Variants in VIPR1 observed in about 807,000 individuals in gnomAD.
VIPR1 encodes the protein vasoactive intestinal polypeptide receptor 1.
In VIPR1, 59 loss-of-function variants were observed where a neutral mutation model predicts 58.8. The ratio of observed to expected loss-of-function variants is 1.00; its 90% CI spans 0.81 to 1.25. The LOEUF (loss-of-function observed/expected upper bound fraction) is 1.25, where lower values mean the gene tolerates loss of function less well. Ranked by LOEUF, VIPR1 falls within the 50% of genes most tolerant of loss-of-function variation. The pLI, the probability that VIPR1 is intolerant of heterozygous loss-of-function variation, is 0.00. For synonymous variants in VIPR1, 251 were observed against 242.1 expected (o/e 1.04, Z -0.34); for missense variants, 626 against 602.7 (o/e 1.04, Z -0.40).
Position 42,531,289 on chromosome 3 carries a change from C to T in VIPR1, c.791-182C>T, listed in dbSNP as rs149050145. The T allele has an allele frequency of 3.7e-4, 247 of 665,572 alleles. 2 individuals carry two copies. In the African/African-American group the frequency reaches 4.1e-3, roughly 11 times the overall value. 41.2% of individuals were successfully genotyped at this position (665,572 alleles called of 1,614,324 possible). Reference sequence around the variant, plus strand: ...ACACAGCCCTTCAGGCATACAGCTTCACCCCCTCAGTGGAGCATCCCTCCG... The same window carrying T: ...ACACAGCCCTTCAGGCATACAGCTTTACCCCCTCAGTGGAGCATCCCTCCG... On this transcript the variant is annotated intron_variant, in intron 7 of 12. Coordinates refer to ENST00000325123, the MANE Select transcript of VIPR1 (RefSeq NM_004624.4).
At chr3:42,502,488 A>C, upstream of VIPR1, 1 of 348,152 alleles carries the variant, frequency 2.9e-6, no homozygotes. Context: ...GAGCTTCCTC[A>C]CTGGCAGGGG....
chr3:42,532,296 C>T lies in VIPR1; in HGVS notation c.973C>T (p.Pro325Ser). The T allele has an allele frequency of 1.9e-6, 3 of 1,614,124 alleles. No homozygotes were observed. The highest frequency in any genetic ancestry group is 2.5e-6 in the Non-Finnish European group (3 of 1,180,022). ...IIRILLQKLR[P>S]PDIRKSDSSP... ...CCGAATCCTGCTTCAGAAACTGCGGCCCCCAGATATCAGGAAGAGTGACAG... is the reference window on the plus strand; with the variant it reads ...CCGAATCCTGCTTCAGAAACTGCGGTCCCCAGATATCAGGAAGAGTGACAG... The change falls in exon 10 of 13, where the codon CCC (proline) becomes TCC (serine). Residue 325 changes from proline (P) to serine (S), a missense_variant. Transcript: ENST00000325123.
rs753641318 is a variant in VIPR1 at position 42,535,398 on chromosome 3, A to C, written c.1182+14A>C. The stretch of plus-strand genomic sequence containing the variant: ...CTCAATGGTGAGGTAAGCCCCTCCC[A>C]GTCCTTGGGGCTTAGGCAATGGAAC... On this transcript the variant is annotated intron_variant, in intron 12 of 12. Transcript: ENST00000325123. 1.7e-5 allele frequency: 28 copies of C among 1,613,674 alleles called. No individual in the cohort carries two copies. The highest frequency in any genetic ancestry group is 2.1e-5 in the Non-Finnish European group (25 of 1,179,726).
chr3:42,489,943 A>T (rs901942867), intron 1 of VIPR1, among the ~76,000 whole-genome samples: 7 of 152,020 alleles, frequency 4.6e-5, no homozygotes, highest in Non-Finnish European at 1.0e-4. Context: ...TTCCACCACC[A>T]GTCCAAGACC....
intron 11 of VIPR1, 64 bp from the exon 12 acceptor site, chr3:42,535,279 G>T: frequency 6.2e-7 from 1 of 1,603,922 alleles, no homozygotes; most frequent in Non-Finnish European, 8.5e-7. Context: ...TGGAGCCAGG[G>T]GTGGGGCAGG....
intron 1 of VIPR1, among the ~76,000 whole-genome samples, chr3:42,505,223 A>G (rs1700063022): frequency 6.7e-6 from 1 of 148,372 alleles, no homozygotes; most frequent in Non-Finnish European, 1.5e-5. Flanking sequence ...CAGTCAGGGG[A>G]GGCTCCTGGA....
chr3:42,492,683 A>G (rs72861297), intron 1 of VIPR1, among the ~76,000 whole-genome samples: 4,794 of 152,338 alleles, frequency 0.031, 234 homozygotes, highest in African/African-American at 0.11. Flanking sequence ...CTTCCTGTCC[A>G]GGCATTTGTT....
intron 1 of VIPR1, among the ~76,000 whole-genome samples, chr3:42,507,493 A>G (rs1345557791): frequency 6.6e-6 from 1 of 152,192 alleles, no homozygotes; most frequent in African/African-American, 2.4e-5. Context: ...ACCAATCTCC[A>G]TGTACTAAGG....
At chr3:42,501,774 G>A (rs1364882471), upstream of VIPR1, 1 of 152,524 alleles carries the variant, frequency 6.6e-6, no homozygotes, top group African/African-American at 2.4e-5. The surrounding 1 kb of genome is among the most constrained non-coding windows in gnomAD (Gnocchi z 4.8). Flanking sequence ...GGAGGACGAC[G>A]TCTGTGGATC....
intron 2 of VIPR1, among the ~76,000 whole-genome samples, chr3:42,517,019 G>A (rs1700662338): frequency 1.3e-5 from 2 of 152,314 alleles, no homozygotes; most frequent in African/African-American, 2.4e-5. Context: ...AATGGAAGAG[G>A]GACTGACAGC....
At chr3:42,494,734 A>G (rs775000202) in intron 1 of VIPR1, among the ~76,000 whole-genome samples, 4 of 152,120 alleles carry the variant, frequency 2.6e-5, no homozygotes, top group Non-Finnish European at 2.9e-5. Context: ...CTGTTTTTAT[A>G]GTTACTAATT....
intron 3 of VIPR1, among the ~76,000 whole-genome samples, chr3:42,525,008 G>C (rs1701150645): frequency 1.3e-5 from 2 of 152,220 alleles, no homozygotes; most frequent in Admixed American, 6.5e-5. Flanking sequence ...GCTGACAACA[G>C]TGATGCTGCT....
At chr3:42,502,894 G>A in intron 1 of VIPR1, 81 bp downstream of exon 1, 2 of 1,080,500 alleles carry the variant, frequency 1.9e-6, no homozygotes, top group African/African-American at 1.6e-5. Flanking sequence ...GGCGGGAGCC[G>A]GGCCGTCTGT....
rs1701203957 is a variant in VIPR1 at position 42,525,890 on chromosome 3, G to GC, written c.297dup (p.Asn100GlnfsTer27). On this transcript the variant is annotated frameshift_variant, in exon 4 of 13. Coordinates refer to ENST00000325123, the MANE Select transcript of VIPR1 (RefSeq NM_004624.4). LOFTEE classifies it high-confidence loss of function. ...CTTGCCCCTGCCCTCCACCCAGGCC[G>GC]CAATGTAAGCCGCAGCTGCACCGAC... 6.2e-7 allele frequency: 1 copy of GC among 1,608,246 alleles called. No homozygotes were observed. The highest frequency in any genetic ancestry group is 1.3e-5 in the African/African-American group (1 of 74,964).
At chr3:42,494,956 T>C (rs904439890) in intron 1 of VIPR1, among the ~76,000 whole-genome samples, 1 of 152,186 alleles carries the variant, frequency 6.6e-6, no homozygotes, top group African/African-American at 2.4e-5. Context: ...CTTACCATAA[T>C]AATTACTTAA....
At chr3:42,490,076 A>G (rs1699639401) in intron 1 of VIPR1, among the ~76,000 whole-genome samples, 1 of 151,968 alleles carries the variant, frequency 6.6e-6, no homozygotes, top group African/African-American at 2.4e-5. Context: ...CATTCCTACA[A>G]GAGACTCTGG....
upstream of VIPR1, chr3:42,502,462 T>A (rs992267887): frequency 9.0e-6 from 3 of 332,142 alleles, no homozygotes; most frequent in Non-Finnish European, 1.6e-5. Flanking sequence ...GGTGTGGGAT[T>A]GGCAAAGAGA....
intron 1 of VIPR1, among the ~76,000 whole-genome samples, chr3:42,490,082 T>C (rs2125621708): frequency 6.6e-6 from 1 of 152,096 alleles, no homozygotes; most frequent in Non-Finnish European, 1.5e-5. Context: ...TACAAGAGAC[T>C]CTGGTCTCCC....
At chr3:42,520,729 C>T (rs968083640) in intron 3 of VIPR1, among the ~76,000 whole-genome samples, 1 of 152,134 alleles carries the variant, frequency 6.6e-6, no homozygotes, top group Non-Finnish European at 1.5e-5. Context: ...CTCCAGATGG[C>T]CTTTTCCTCC....
Sources: gnomAD v4.1 joint callset for allele counts (sites outside exome capture counted in the v4.1 genomes callset) on GRCh38, gnomAD v4.1.1 for gene constraint, Gnocchi (gnomAD v3.1) non-coding constraint, MANE v1.5 for transcripts, NCBI Gene and HGNC (gene_info 2026-07-23, HGNC 2026-07-21) for gene names.